The following CAMK4 variants were observed in gnomAD, a reference collection of about 807,000 sequenced individuals.
The protein encoded by CAMK4 is calcium/calmodulin-dependent protein kinase type IV.
Under a neutral mutation model 44.9 loss-of-function variants are expected in CAMK4, and 22 were observed. The ratio of observed to expected loss-of-function variants is 0.49; its 90% CI spans 0.35 to 0.70. CAMK4 has a LOEUF of 0.70. Among genes scored for constraint, CAMK4 ranks in the 30% least tolerant of loss-of-function variants. The pLI, the probability that CAMK4 is intolerant of heterozygous loss-of-function variation, is 0.01. For missense variants in CAMK4, 498 were observed against 586.8 expected, an observed-to-expected ratio of 0.85 and a Z score of 1.56; for synonymous variants, 218 against 215.4, an observed-to-expected ratio of 1.01 and a Z score of -0.11.
In CAMK4 at chr5:111,224,768, G is replaced by A; in HGVS notation, c.161+124G>A. ...CCTTCGATTTCTCCCTACCTAGTTAGTGTCTTGAGAGAGAGCTAACCTTCA... is the reference window on the plus strand; with the variant it reads ...CCTTCGATTTCTCCCTACCTAGTTAATGTCTTGAGAGAGAGCTAACCTTCA... On this transcript the variant is annotated intron_variant, in intron 1 of 10. Transcript: ENST00000282356. The surrounding 1 kb of genome is among the most constrained non-coding windows in gnomAD (Gnocchi z 5.7). 1.1e-6 allele frequency: 1 copy of A among 937,328 alleles called. No homozygotes were observed. The highest frequency in any genetic ancestry group is 1.6e-6 in the Non-Finnish European group (1 of 638,056). 58.1% of individuals were successfully genotyped at this position (937,328 alleles called of 1,614,324 possible).
chr5:111,289,343 G>A (rs898637980), intron 1 of CAMK4, among the ~76,000 whole-genome samples: 10 of 152,092 alleles, frequency 6.6e-5, no homozygotes, highest in East Asian at 3.9e-4. Context: ...GTGAGACTCC[G>A]TCTCAAAAAA....
intron 1 of CAMK4, among the ~76,000 whole-genome samples, chr5:111,326,189 A>G (rs1325262182): frequency 6.6e-6 from 1 of 151,924 alleles, no homozygotes; most frequent in Non-Finnish European, 1.5e-5. Context: ...TGACATGATT[A>G]ATGAAATTTA....
Position 111,329,284 on chromosome 5 carries a change from G to A in CAMK4, c.162-14740G>A, listed in dbSNP as rs539272086. On this transcript the variant is annotated intron_variant, in intron 1 of 10. Coordinates refer to ENST00000282356, the MANE Select transcript of CAMK4 (RefSeq NM_001744.6). Reference sequence around the variant, plus strand: ...ACAGCCAATATCATACTGAATGGGCGAAAACTGTAAGCATTCCCTTTAAAA... The same window carrying A: ...ACAGCCAATATCATACTGAATGGGCAAAAACTGTAAGCATTCCCTTTAAAA... Among the ~76,000 whole-genome samples, 490 of 151,986 alleles carry A rather than the reference G, an allele frequency of 3.2e-3. 5 individuals carry two copies. Among genetic ancestry groups the A allele is most frequent in the Admixed American group, 0.024 (364 of 15,230 alleles).
chr5:111,276,048 G>C (rs935632983), intron 1 of CAMK4, among the ~76,000 whole-genome samples: 4 of 152,104 alleles, frequency 2.6e-5, no homozygotes, highest in Admixed American at 2.0e-4. Context: ...TAACTGATCT[G>C]TGTCTGCTTA....
intron 1 of CAMK4, among the ~76,000 whole-genome samples, chr5:111,329,138 T>G (rs432970): frequency 6.6e-5 from 10 of 151,992 alleles, no homozygotes; most frequent in Non-Finnish European, 1.5e-4. Context: ...ACATGATTAT[T>G]TCAGTAGATG....
intron 1 of CAMK4, among the ~76,000 whole-genome samples, chr5:111,333,162 A>G (rs1749246625): frequency 6.6e-6 from 1 of 151,430 alleles, no homozygotes; most frequent in South Asian, 2.1e-4. Flanking sequence ...GTAGATACAC[A>G]TTAAATATAG....
In CAMK4 at chr5:111,251,047, C is replaced by T. The variant is rs1211871403; in HGVS notation, c.161+26403C>T. Among the ~76,000 whole-genome samples, 4 of 152,202 alleles carry T rather than the reference C, an allele frequency of 2.6e-5. No homozygotes were observed. The East Asian group carries it at 7.7e-4, about 29-fold the overall frequency. On this transcript the variant is annotated intron_variant, in intron 1 of 10. Coordinates refer to ENST00000282356, the MANE Select transcript of CAMK4 (RefSeq NM_001744.6). ...TTTGTAAATCCTTGGACATTCTTTG[C>T]TATGGCTTGCTATGCTTAAATAAAA...
At chr5:111,335,911 T>G (rs1749382421) in intron 1 of CAMK4, among the ~76,000 whole-genome samples, 1 of 151,408 alleles carries the variant, frequency 6.6e-6, no homozygotes, top group Non-Finnish European at 1.5e-5. Flanking sequence ...TCTCTTTTTG[T>G]GTAATGAAAA....
chr5:111,346,901 C>A (rs6880777), intron 2 of CAMK4, among the ~76,000 whole-genome samples: 3,770 of 151,994 alleles, frequency 0.025, 160 homozygotes, highest in African/African-American at 0.085. Context: ...TGCAGGGTGA[C>A]AAACAAGGAG....
rs116823584 is a variant in CAMK4 at position 111,425,967 on chromosome 5, G to A, written c.460-20719G>A. ...ACAATTTAAAGAATAGTGTGATACTGTATGGAGTTCAAGTTCATGACAGAA... is the reference window on the plus strand; with the variant it reads ...ACAATTTAAAGAATAGTGTGATACTATATGGAGTTCAAGTTCATGACAGAA... On this transcript the variant is annotated intron_variant, in intron 5 of 10. Transcript: ENST00000282356. 6.4e-3 allele frequency among the ~76,000 whole-genome samples: 974 copies of A among 152,248 alleles called. 9 individuals are homozygous for A. The highest frequency in any genetic ancestry group is 0.022 in the African/African-American group (906 of 41,542).
intron 1 of CAMK4, among the ~76,000 whole-genome samples, chr5:111,330,964 A>C (rs973212551): frequency 6.6e-6 from 1 of 151,822 alleles, no homozygotes; most frequent in Non-Finnish European, 1.5e-5. Flanking sequence ...ACAAACAAAA[A>C]AAATTCAAGA....
intron 1 of CAMK4, among the ~76,000 whole-genome samples, chr5:111,319,354 T>C (rs890064853): frequency 1.3e-5 from 2 of 152,196 alleles, no homozygotes; most frequent in Admixed American, 1.3e-4. Flanking sequence ...AGTATCAGCT[T>C]TTCCCTTTGT....
intron 4 of CAMK4, among the ~76,000 whole-genome samples, chr5:111,389,325 T>C (rs1031520319): frequency 2.0e-5 from 3 of 152,198 alleles, no homozygotes; most frequent in African/African-American, 7.2e-5. Flanking sequence ...TGATTAGGTT[T>C]CAACATATGA....
intron 1 of CAMK4, among the ~76,000 whole-genome samples, chr5:111,252,555 C>T (rs979016613): frequency 2.0e-5 from 3 of 152,092 alleles, no homozygotes; most frequent in Non-Finnish European, 4.4e-5. Context: ...TCCTATGAGT[C>T]TTATAGGTCC....
chr5:111,396,521 C>T (rs1314494405), intron 5 of CAMK4, among the ~76,000 whole-genome samples: 1 of 150,320 alleles, frequency 6.7e-6, no homozygotes, highest in Non-Finnish European at 1.5e-5. Flanking sequence ...TCAGTTGAAT[C>T]TTTCTTCAAA....
chr5:111,432,306 C>A (rs1366774458), intron 5 of CAMK4, among the ~76,000 whole-genome samples: 1 of 151,864 alleles, frequency 6.6e-6, no homozygotes, highest in Non-Finnish European at 1.5e-5. Flanking sequence ...AAAATCAAAT[C>A]AATTGAACTC....
intron 6 of CAMK4, among the ~76,000 whole-genome samples, chr5:111,447,767 T>C (rs954815875): frequency 2.6e-5 from 4 of 152,346 alleles, no homozygotes; most frequent in East Asian, 1.9e-4. Context: ...AAGTTGTTCA[T>C]ATCAGGGAAG....
intron 5 of CAMK4, among the ~76,000 whole-genome samples, chr5:111,422,335 A>C (rs542050342): frequency 6.6e-6 from 1 of 152,166 alleles, no homozygotes; most frequent in Non-Finnish European, 1.5e-5. Context: ...CTCTTTTCCT[A>C]TGAGGAAAGT....
intron 9 of CAMK4, among the ~76,000 whole-genome samples, chr5:111,481,204 A>T (rs1466356156): frequency 1.3e-5 from 2 of 152,218 alleles, no homozygotes; most frequent in African/African-American, 2.4e-5. Flanking sequence ...TGTGAGGAAG[A>T]TAGTAATGAG....
Sources: gnomAD v4.1 joint callset for allele counts (sites outside exome capture counted in the v4.1 genomes callset) on GRCh38, gnomAD v4.1.1 for gene constraint, Gnocchi (gnomAD v3.1) non-coding constraint, MANE v1.5 for transcripts, NCBI Gene and HGNC (gene_info 2026-07-23, HGNC 2026-07-21) for gene names.